BCAS4: variants seen among roughly 807,000 people sequenced by gnomAD.
BCAS4 encodes the protein breast carcinoma amplified sequence 4.
BCAS4 carries 9 observed loss-of-function variants against 15.7 expected under a neutral mutation model. The ratio of observed to expected loss-of-function variants is 0.57; its 90% confidence interval spans 0.34 to 1.00. The LOEUF (loss-of-function observed/expected upper bound fraction) is 1.00, where lower values mean the gene tolerates loss of function less well. Among genes scored for constraint, BCAS4 ranks in the 50% least tolerant of loss-of-function variants. The probability of loss-of-function intolerance (pLI) is 0.02; values close to 1 mark genes in which losing one functional copy is unlikely to be tolerated. For missense variants in BCAS4, 225 were observed against 239.1 expected (o/e 0.94, Z 0.39); for synonymous variants, 101 against 99.5 (o/e 1.02, Z -0.09).
At chr20:50,828,448 G>A (rs532950819) in intron 2 of BCAS4, among the ~76,000 whole-genome samples, 1 of 152,200 alleles carries the variant, frequency 6.6e-6, no homozygotes, top group South Asian at 2.1e-4. Flanking sequence ...GCAGAAAGAG[G>A]AGGAAAAACA....
At chr20:50,874,927 CT>C (rs1979845916) in intron 4 of BCAS4, among the ~76,000 whole-genome samples, 1 of 152,164 alleles carries the variant, frequency 6.6e-6, no homozygotes, top group Non-Finnish European at 1.5e-5. Context: ...GTGCAGGGAG[CT>C]GGGGGACAGG....
intron 3 of BCAS4, among the ~76,000 whole-genome samples, chr20:50,837,108 G>A (rs984824849): frequency 6.6e-6 from 1 of 152,130 alleles, no homozygotes; most frequent in African/African-American, 2.4e-5. Flanking sequence ...CAGGAGCAAG[G>A]TCCTGCTATT....
At chr20:50,841,967 G>A in intron 4 of BCAS4, 67 bp downstream of exon 4, 2 of 1,485,800 alleles carry the variant, frequency 1.3e-6, no homozygotes, top group Non-Finnish European at 1.8e-6. Context: ...CCCCAGCGTG[G>A]GGAGGAGCAT....
intron 1 of BCAS4, among the ~76,000 whole-genome samples, chr20:50,797,647 C>T (rs2087881670): frequency 6.6e-6 from 1 of 152,128 alleles, no homozygotes; most frequent in African/African-American, 2.4e-5. Context: ...ATTGGAGCTA[C>T]AAATGTGAGC....
At chr20:50,827,072 A>G (rs896080521) in intron 2 of BCAS4, among the ~76,000 whole-genome samples, 1 of 151,984 alleles carries the variant, frequency 6.6e-6, no homozygotes, top group Non-Finnish European at 1.5e-5. Context: ...TATTCACTGA[A>G]CTCCACGCTT....
At chr20:50,855,308 G>T (rs1978697322) in intron 4 of BCAS4, among the ~76,000 whole-genome samples, 1 of 152,106 alleles carries the variant, frequency 6.6e-6, no homozygotes, top group Non-Finnish European at 1.5e-5. Flanking sequence ...TTGTGTCACT[G>T]CCTGGATCCA....
chr20:50,869,823 G>A (rs1305610931), intron 4 of BCAS4, among the ~76,000 whole-genome samples: 11 of 139,492 alleles, frequency 7.9e-5, no homozygotes, highest in Admixed American at 2.4e-4. Flanking sequence ...ATCTCAGCTC[G>A]CTGCAACTTC....
At chr20:50,841,942 C>A (rs6096118) in intron 4 of BCAS4, 42 bp downstream of exon 4, 11 of 1,522,612 alleles carry the variant, frequency 7.2e-6, no homozygotes, top group Admixed American at 2.1e-5. Flanking sequence ...GGCCTCTCCC[C>A]CTTCGCTCCG....
chr20:50,875,162 G>A (rs962162068), intron 4 of BCAS4, among the ~76,000 whole-genome samples: 1 of 152,208 alleles, frequency 6.6e-6, no homozygotes, highest in Non-Finnish European at 1.5e-5. Context: ...ACCCCCTGGC[G>A]TGGGCCCCGG....
At chr20:50,832,110 C>T (rs2123793457) in intron 3 of BCAS4, among the ~76,000 whole-genome samples, 1 of 152,208 alleles carries the variant, frequency 6.6e-6, no homozygotes, top group South Asian at 2.1e-4. Flanking sequence ...CCAGGAGAGA[C>T]CCTCAGCAGG....
upstream of BCAS4, chr20:50,795,049 G>A (rs1027095258): frequency 8.8e-6 from 13 of 1,470,532 alleles, no homozygotes; most frequent in Non-Finnish European, 9.9e-6. Flanking sequence ...GGGCTCCCAG[G>A]CAGCCTCCGC....
At chr20:50,854,251 C>T (rs1978633649) in intron 4 of BCAS4, among the ~76,000 whole-genome samples, 1 of 152,070 alleles carries the variant, frequency 6.6e-6, no homozygotes. Flanking sequence ...TCTCAACCTC[C>T]CCCTCTGTGA....
At chr20:50,833,857 G>A (rs1322576967) in intron 3 of BCAS4, among the ~76,000 whole-genome samples, 1 of 152,202 alleles carries the variant, frequency 6.6e-6, no homozygotes, top group Non-Finnish European at 1.5e-5. Flanking sequence ...AGGCCGGGTG[G>A]GGTGGGTCAG....
At chr20:50,832,509 C>T (rs568397002) in intron 3 of BCAS4, among the ~76,000 whole-genome samples, 1 of 152,282 alleles carries the variant, frequency 6.6e-6, no homozygotes, top group African/African-American at 2.4e-5. Flanking sequence ...CTGCCCGCCT[C>T]AGCCTCCCAA....
chr20:50,833,748 T>C (rs2088372882), intron 3 of BCAS4, among the ~76,000 whole-genome samples: 1 of 152,154 alleles, frequency 6.6e-6, no homozygotes, highest in African/African-American at 2.4e-5. Flanking sequence ...AAACGTTTGC[T>C]GCACTGTAGG....
intron 4 of BCAS4, among the ~76,000 whole-genome samples, chr20:50,871,930 C>G (rs1019323467): frequency 1.8e-4 from 28 of 152,236 alleles, no homozygotes; most frequent in African/African-American, 6.7e-4. Context: ...GGGAGCTGCT[C>G]GGATGGGGAG....
At chr20:50,803,176 G>A (rs532929249) in intron 1 of BCAS4, among the ~76,000 whole-genome samples, 32 of 152,346 alleles carry the variant, frequency 2.1e-4, no homozygotes, top group African/African-American at 7.0e-4. Context: ...GCAAGATTCT[G>A]TCTCAAAAAC....
intron 4 of BCAS4, 44 bp from the exon 5 acceptor site, chr20:50,876,442 G>A: frequency 6.2e-7 from 1 of 1,606,718 alleles, no homozygotes; most frequent in Non-Finnish European, 8.5e-7. Flanking sequence ...CATGGAACAA[G>A]TGGATCCAAA....
chr20:50,848,647 G>T (rs2088575929), intron 4 of BCAS4, among the ~76,000 whole-genome samples: 1 of 152,236 alleles, frequency 6.6e-6, no homozygotes, highest in Non-Finnish European at 1.5e-5. Flanking sequence ...ACCAGGGCTC[G>T]TTCTCTGCTC....
Sources: allele counts gnomAD v4.1 joint callset (sites outside exome capture counted in the v4.1 genomes callset), GRCh38; gene constraint gnomAD v4.1.1; transcripts MANE v1.5; gene names NCBI Gene and HGNC (gene_info 2026-07-23, HGNC 2026-07-21).